Variants in PKD1L3 observed in about 807,000 individuals in gnomAD.
The protein encoded by PKD1L3 is polycystin 1 like 3, transient receptor potential channel interacting, also known as polycystin-1-like protein 3.
A neutral mutation model predicts 184.1 loss-of-function variants in PKD1L3; 239 were observed. The ratio of observed to expected loss-of-function variants is 1.30; its 90% CI spans 1.17 to 1.45. The LOEUF (loss-of-function observed/expected upper bound fraction) is 1.45, where lower values mean the gene tolerates loss of function less well. Among genes scored for constraint, PKD1L3 ranks in the 40% most tolerant of loss-of-function variants. The pLI is 0.00. For missense variants in PKD1L3, 2,660 were observed against 2,067.2 expected, an observed-to-expected ratio of 1.29 and a Z score of -5.56; for synonymous variants, 996 against 778.8, an observed-to-expected ratio of 1.28 and a Z score of -4.64.
At position 71,933,978 on chromosome 16, in the gene PKD1L3, GGCTCGGCTCAGTGTCCT is replaced by G. The variant is rs1487849206; in HGVS notation, c.4744_4760del (p.Arg1582LeufsTer23). On this transcript the variant is annotated frameshift_variant, in exon 27 of 30. Coordinates refer to ENST00000620267, the MANE Select transcript of PKD1L3 (RefSeq NM_181536.2). LOFTEE classifies it high-confidence loss of function. Reference sequence around the variant, plus strand: ...GCAGAAAGCCCACCACCTCGTCCCAGGCTCGGCTCAGTGTCCTGCTGATGACCCGCAGCCTGGGGCTA... The same window carrying G: ...GCAGAAAGCCCACCACCTCGTCCCAGGCTGATGACCCGCAGCCTGGGGCTA... 9.0e-6 allele frequency: 14 copies of G among 1,551,680 alleles called. No homozygotes were observed. In the East Asian group the frequency reaches 3.4e-4, roughly 38 times the overall value.
intron 9 of PKD1L3, 131 bp from the exon 10 acceptor site, chr16:71,978,514 TATATATAC>T (rs756439855): frequency 0.12 from 21,107 of 169,522 alleles, 2,237 homozygotes; most frequent in South Asian, 0.23. Context: ...TATATATATA[TATATATAC>T]ATACATACAT....
chr16:71,995,111 T>C (rs901054837), intron 2 of PKD1L3, among the ~76,000 whole-genome samples: 5 of 152,204 alleles, frequency 3.3e-5, no homozygotes, highest in African/African-American at 7.2e-5. Context: ...CTCACAGTTC[T>C]GGAGGCTGGA....
intron 24 of PKD1L3, among the ~76,000 whole-genome samples, chr16:71,941,818 T>G (rs1240609548): frequency 6.6e-6 from 1 of 151,256 alleles, no homozygotes; most frequent in Non-Finnish European, 1.5e-5. Flanking sequence ...CTCCTAGACC[T>G]TGTGATCCAC....
chr16:71,983,663 C>T (rs12935551), intron 6 of PKD1L3, among the ~76,000 whole-genome samples: 70,287 of 100,252 alleles, frequency 0.7, 24,749 homozygotes, highest in South Asian at 0.86. Flanking sequence ...GATTCTCTTT[C>T]TTTTTTTTTT....
At chr16:71,990,929 C>T (rs189339838) in intron 3 of PKD1L3, among the ~76,000 whole-genome samples, 5 of 152,114 alleles carry the variant, frequency 3.3e-5, no homozygotes, top group Admixed American at 6.5e-5. Context: ...CTTAATAGAA[C>T]GAAAAAGGTT....
chr16:71,946,647 C>T (rs1031619247), intron 22 of PKD1L3, among the ~76,000 whole-genome samples: 1 of 150,948 alleles, frequency 6.6e-6, no homozygotes, highest in East Asian at 2.0e-4. Context: ...GGATTATGTA[C>T]TCCGACTTTT....
In PKD1L3 at chr16:71,993,209, G is replaced by C. The variant is rs1371360383; in HGVS notation, c.535+7C>G. On this transcript the variant is annotated splice_region_variant and intron_variant, in intron 3 of 29. Transcript: ENST00000620267. ...TTTTTAAGGTTACTAGAGGAGTAAC[G>C]CATTACCTGGGGGCATTTTGTCTCT... is the stretch of plus-strand genomic sequence containing the variant. The C allele has an allele frequency of 6.6e-7, 1 of 1,525,242 alleles. No individual in the cohort carries two copies. The highest frequency in any genetic ancestry group is 8.9e-7 in the Non-Finnish European group (1 of 1,126,262). 94.5% of individuals were successfully genotyped at this position (1,525,242 alleles called of 1,614,324 possible).
At chr16:71,992,724 C>T (rs2040637506) in intron 3 of PKD1L3, among the ~76,000 whole-genome samples, 1 of 152,172 alleles carries the variant, frequency 6.6e-6, no homozygotes, top group African/African-American at 2.4e-5. Flanking sequence ...GGACATCTAA[C>T]ATTTGCAGCT....
At chr16:71,933,788 T>C in intron 27 of PKD1L3, 127 bp downstream of exon 27, 1 of 1,042,194 alleles carries the variant, frequency 9.6e-7, no homozygotes, top group Non-Finnish European at 1.4e-6. Flanking sequence ...AGTGTGGAAC[T>C]AGATCTAAAC....
rs779242397 is a variant in PKD1L3 at position 71,951,726 on chromosome 16, TCA to T, written c.3026_3027del (p.Val1009GlufsTer15). 1.2e-4 allele frequency: 193 copies of T among 1,549,650 alleles called. No homozygotes were observed. Among genetic ancestry groups the T allele is most frequent in the Admixed American group, 6.0e-4 (30 of 50,346 alleles). ...TATGTATTTCTCCTGAGCAGGAATC[TCA>T]CAGTTTCCTTTAATTCCTGAATGTA... ...TMVVEELKET[V>X]RFLLRRNTYL... On this transcript the variant is annotated frameshift_variant, in exon 19 of 30. Coordinates refer to ENST00000620267, the MANE Select transcript of PKD1L3 (RefSeq NM_181536.2). LOFTEE classifies it high-confidence loss of function.
Position 71,953,030 on chromosome 16 carries a change from A to T in PKD1L3, c.2873T>A (p.Phe958Tyr). 1.3e-6 allele frequency: 2 copies of T among 1,549,040 alleles called. No individual in the cohort carries two copies. The highest frequency in any genetic ancestry group is 1.7e-6 in the Non-Finnish European group (2 of 1,146,034). ...LVSIHTAVIL[F>Y]PINLVIGRLF... ...CCGCCCTATGACAAGATTGATTGGG[A>T]AGAGGATGACAGCAGTATGGATGCT... The change falls in exon 18 of 30, where the codon TTC becomes TAC. Residue 958 changes from phenylalanine (F) to tyrosine (Y), a missense_variant. Phe to Tyr is a conservative substitution (Grantham distance 22). Transcript: ENST00000620267.
chr16:71,969,873 A>T lies in PKD1L3; in HGVS notation c.2184+2T>A, dbSNP rs1338185060. 1 of 1,542,486 alleles carries T rather than the reference A, an allele frequency of 6.5e-7. No homozygotes were observed. Among genetic ancestry groups the T allele is most frequent in the Non-Finnish European group, 8.8e-7 (1 of 1,139,660 alleles). On this transcript the variant is annotated splice_donor_variant, in intron 13 of 29. Transcript: ENST00000620267. LOFTEE classifies it high-confidence loss of function. ...AATCTGTTGAAATCAAAGTCTCATT[A>T]CCTTCTGCATATCTGCTTGATCCTT...
intron 12 of PKD1L3, among the ~76,000 whole-genome samples, chr16:71,971,190 A>C: frequency 6.6e-6 from 1 of 152,372 alleles, no homozygotes; most frequent in East Asian, 1.9e-4. Flanking sequence ...GAGGGCTTCA[A>C]TTATTCATGA....
Position 71,942,714 on chromosome 16 carries a change from A to C in PKD1L3, c.4170T>G (p.His1390Gln). ...EGQLAFCDNG[H>Q]TCGRPKSLFP... ...ATAGGCTCTTGGGACGCCCACAGGT[A>C]TGGCCGTTATCACAAAACGCCAGCT... Residue 1390 changes from histidine to glutamine, a missense_variant, in exon 24 of 30, where the codon CAT becomes CAG. Physicochemically the swap from His to Gln is conservative, Grantham distance 24 (BLOSUM62 0). Transcript: ENST00000620267. 1 of 1,551,718 alleles carries C rather than the reference A, an allele frequency of 6.4e-7. No homozygotes were observed. The highest frequency in any genetic ancestry group is 8.7e-7 in the Non-Finnish European group (1 of 1,146,992).
intron 4 of PKD1L3, among the ~76,000 whole-genome samples, chr16:71,989,985 G>C (rs1208038831): frequency 6.6e-6 from 1 of 150,474 alleles, no homozygotes; most frequent in African/African-American, 2.4e-5. Context: ...TGAGGCAGGA[G>C]AATCACTTGA....
intron 17 of PKD1L3, 31 bp downstream of exon 17, chr16:71,954,074 A>G (rs1450762920): frequency 2.1e-6 from 3 of 1,459,502 alleles, no homozygotes; most frequent in Non-Finnish European, 1.8e-6. Context: ...ATTGCTTACT[A>G]CAAACAACAC....
chr16:71,943,554 A>C (rs1013865256), intron 23 of PKD1L3, among the ~76,000 whole-genome samples: 2 of 151,346 alleles, frequency 1.3e-5, no homozygotes, highest in Admixed American at 6.6e-5. Context: ...AAAAAAAAAA[A>C]AAAACATAAA....
intron 16 of PKD1L3, among the ~76,000 whole-genome samples, chr16:71,954,813 G>C (rs2038983440): frequency 6.6e-6 from 1 of 152,182 alleles, no homozygotes; most frequent in African/African-American, 2.4e-5. Context: ...GTCAGAGTGA[G>C]GTAGAAGCCA....
intron 12 of PKD1L3, among the ~76,000 whole-genome samples, chr16:71,971,543 AAGG>A (rs2039708942): frequency 2.0e-5 from 3 of 152,138 alleles, no homozygotes; most frequent in Admixed American, 2.0e-4. Flanking sequence ...AGCGTGCTTC[AAGG>A]AGGTGGGAAA....
Sources: gnomAD v4.1 joint callset for allele counts (sites outside exome capture counted in the v4.1 genomes callset) on GRCh38, gnomAD v4.1.1 for gene constraint, MANE v1.5 for transcripts, NCBI Gene and HGNC (gene_info 2026-07-23, HGNC 2026-07-21) for gene names.